The following ITSN1 variants were observed in gnomAD, a reference collection of about 807,000 sequenced individuals.
ITSN1 encodes intersectin-1.
A neutral mutation model predicts 239.8 loss-of-function variants in ITSN1; 58 were observed. The observed-to-expected ratio is 0.24, with a 90% CI of 0.20 to 0.30. The LOEUF is 0.30. Among genes scored for constraint, ITSN1 ranks in the 10% least tolerant of loss-of-function variants. The pLI, the probability that ITSN1 is intolerant of heterozygous loss-of-function variation, is 1.00. For missense variants in ITSN1, 1,558 were observed against 2,103.3 expected (o/e 0.74, Z 5.07); for synonymous variants, 780 against 770.8 (o/e 1.01, Z -0.20).
chr21:33,868,374 G>A (rs897876437), intron 33 of ITSN1, among the ~76,000 whole-genome samples: 29 of 152,360 alleles, frequency 1.9e-4, no homozygotes, highest in African/African-American at 6.0e-4. Context: ...AGGGGGCGGC[G>A]CTCGTCGGGG....
At chr21:33,673,383 T>A (rs2090414761) in intron 1 of ITSN1, among the ~76,000 whole-genome samples, 1 of 152,188 alleles carries the variant, frequency 6.6e-6, no homozygotes. Context: ...TTTCAGGTAC[T>A]CTTAACACAC....
chr21:33,852,167 T>C (rs1978444410), intron 29 of ITSN1, among the ~76,000 whole-genome samples: 1 of 152,208 alleles, frequency 6.6e-6, no homozygotes, highest in African/African-American at 2.4e-5. Flanking sequence ...ACAAGGACAG[T>C]ATCTTGCTTA....
In ITSN1 at chr21:33,878,931, G is replaced by A. The variant is rs151133075; in HGVS notation, c.4342-3312G>A. Among the ~76,000 whole-genome samples, 52 of 152,324 alleles carry A rather than the reference G, an allele frequency of 3.4e-4. 2 individuals carry two copies. In the East Asian group the frequency reaches 9.8e-3, roughly 29 times the overall value. On this transcript the variant is annotated intron_variant, in intron 34 of 39. Coordinates refer to ENST00000381318, the MANE Select transcript of ITSN1 (RefSeq NM_003024.3). ...TAAACCAACATTTACAACAAGATGT[G>A]AGGGGTAAGGAGGCAGAGCTAGGTG...
chr21:33,893,311 C>T lies in ITSN1; in HGVS notation c.*5011C>T, dbSNP rs1986486846. 1 of 152,244 alleles carries T rather than the reference C, an allele frequency of 6.6e-6. No homozygotes were observed. Among genetic ancestry groups the T allele is most frequent in the Non-Finnish European group, 1.5e-5 (1 of 68,110 alleles). The allele number at this position is 152,244 out of a possible 1,614,324, so 9.4% of individuals were successfully genotyped here. A position where few individuals can be genotyped will look rare whatever the true frequency, so the allele number is the denominator to read the frequency against. On this transcript the variant is annotated 3_prime_UTR_variant, in exon 40 of 40. Transcript: ENST00000381318. Reference sequence around the variant, plus strand: ...CTTCAGAGAAATAATGCAAACCGGCCAGGTGCGGTGGCTCACACCTGTAAT... The same window carrying T: ...CTTCAGAGAAATAATGCAAACCGGCTAGGTGCGGTGGCTCACACCTGTAAT...
chr21:33,886,634 C>T (rs147375109), intron 39 of ITSN1, among the ~76,000 whole-genome samples, 174 bp downstream of exon 39: 28 of 152,302 alleles, frequency 1.8e-4, no homozygotes, highest in African/African-American at 6.5e-4. Context: ...CTTCTGGAGG[C>T]GTCTCATTGC....
intron 1 of ITSN1, among the ~76,000 whole-genome samples, chr21:33,668,133 G>A (rs557728471): frequency 5.3e-5 from 8 of 152,300 alleles, no homozygotes; most frequent in African/African-American, 1.9e-4. Context: ...CATTTTCACA[G>A]TTTTCTCCCA....
At chr21:33,863,703 A>G (rs774825714) in intron 31 of ITSN1, among the ~76,000 whole-genome samples, 17 of 152,376 alleles carry the variant, frequency 1.1e-4, no homozygotes, top group Non-Finnish European at 2.2e-4. Flanking sequence ...ACTACTCCTC[A>G]TAGGAAAATG....
intron 17 of ITSN1, among the ~76,000 whole-genome samples, chr21:33,796,071 C>T (rs1287857616): frequency 6.6e-6 from 1 of 151,896 alleles, no homozygotes; most frequent in Non-Finnish European, 1.5e-5. Context: ...TCAACCGACT[C>T]TCCTGCCTCA....
chr21:33,651,690 G>A, intron 1 of ITSN1, among the ~76,000 whole-genome samples: 1 of 152,180 alleles, frequency 6.6e-6, no homozygotes, highest in Non-Finnish European at 1.5e-5. Context: ...AATCTTAAAT[G>A]TATGGGAATG....
In ITSN1 at chr21:33,819,263, A is replaced by G. The variant is rs367925531; in HGVS notation, c.2956A>G (p.Ser986Gly). ...STSMDSGSSE[S>G]PASLKRVASP... ...CAGCATGGATTCTGGTTCTTCAGAG[A>G]GTCCTGCTAGTCTAAAGCGAGTAGC... Residue 986 changes from serine to glycine, a missense_variant, in exon 24 of 40, where the codon AGT (serine) becomes GGT (glycine). Around this residue, in one of 2 missense-constraint regions of ITSN1, gnomAD observed 982 missense variants for 1,209.9 expected, o/e 0.81. Coordinates refer to ENST00000381318, the MANE Select transcript of ITSN1 (RefSeq NM_003024.3). The G allele has an allele frequency of 3.1e-6, 5 of 1,613,520 alleles. No individual in the cohort carries two copies. In the African/African-American group the frequency reaches 6.7e-5, roughly 22 times the overall value.
intron 13 of ITSN1, 25 bp downstream of exon 13, chr21:33,774,903 G>A (rs765782637): frequency 6.2e-7 from 1 of 1,605,378 alleles, no homozygotes; most frequent in East Asian, 2.2e-5. Context: ...GTTATACTTT[G>A]AAAATATACT....
chr21:33,795,030 A>G (rs1016932558), intron 17 of ITSN1, among the ~76,000 whole-genome samples: 7 of 152,236 alleles, frequency 4.6e-5, no homozygotes, highest in African/African-American at 1.7e-4. Context: ...AGTAAATTGT[A>G]GAAATTTGTG....
intron 20 of ITSN1, among the ~76,000 whole-genome samples, chr21:33,804,685 A>G (rs1232373185): frequency 6.6e-6 from 1 of 152,226 alleles, no homozygotes; most frequent in Non-Finnish European, 1.5e-5. Flanking sequence ...TTAGTAGAAC[A>G]TAAGAAATGA....
In ITSN1 at chr21:33,702,093, ATTTTTTTTTTTT is replaced by A. The variant is rs1162454097; in HGVS notation, c.-32-16674_-32-16663del. 7.1e-4 allele frequency among the ~76,000 whole-genome samples: 105 copies of A among 148,696 alleles called. 2 individuals are homozygous for A. The highest frequency in any genetic ancestry group is 1.9e-3 in the South Asian group (9 of 4,730). On this transcript the variant is annotated intron_variant, in intron 1 of 39. Transcript: ENST00000381318. ...AAAAAACAAAAAAACAAACAAAAAA[ATTTTTTTTTTTT>A]TTTTTTTTTTTTTTTTTTTTTTTTT... is the stretch of plus-strand genomic sequence containing the variant.
intron 5 of ITSN1, 62 bp downstream of exon 5, chr21:33,735,266 C>CT: frequency 1.3e-6 from 2 of 1,505,472 alleles, no homozygotes; most frequent in Non-Finnish European, 9.2e-7. Flanking sequence ...AAATGTTTTC[C>CT]TTTTTTTCCC....
Position 33,710,797 on chromosome 21 carries a change from A to G in ITSN1, c.-32-8000A>G, listed in dbSNP as rs2092391888. Among the ~76,000 whole-genome samples the G allele has an allele frequency of 2.0e-5, 3 of 149,390 alleles. 1 individual carries two copies. In the South Asian group the frequency reaches 6.3e-4, roughly 31 times the overall value. On this transcript the variant is annotated intron_variant, in intron 1 of 39. Transcript: ENST00000381318. ...CAGACTATGGCTTTCTTTTGGGGGAAGTTTTTTGTTTTTTTTTTTTTTCTT... is the reference window on the plus strand; with the variant it reads ...CAGACTATGGCTTTCTTTTGGGGGAGGTTTTTTGTTTTTTTTTTTTTTCTT...
chr21:33,676,724 A>G (rs2090617713), intron 1 of ITSN1, among the ~76,000 whole-genome samples: 1 of 152,366 alleles, frequency 6.6e-6, no homozygotes, highest in East Asian at 1.9e-4. Flanking sequence ...TAAGTGTCAC[A>G]CTGTTCTGAG....
chr21:33,822,005 A>G (rs1413794789), intron 24 of ITSN1, among the ~76,000 whole-genome samples: 1 of 152,216 alleles, frequency 6.6e-6, no homozygotes, highest in Admixed American at 6.5e-5. Context: ...TCATTTTTCC[A>G]ATTTTCACTG....
chr21:33,706,815 T>A (rs1290901440), intron 1 of ITSN1, among the ~76,000 whole-genome samples: 8 of 151,550 alleles, frequency 5.3e-5, no homozygotes, highest in South Asian at 4.2e-4. Flanking sequence ...CTCTGCCTTC[T>A]GGGTTCAAGT....
Sources: gnomAD v4.1 joint callset for allele counts (sites outside exome capture counted in the v4.1 genomes callset) on GRCh38, gnomAD v4.1.1 for gene constraint, gnomAD v4.1.1 regional missense constraint, MANE v1.5 for transcripts, NCBI Gene and HGNC (gene_info 2026-07-23, HGNC 2026-07-21) for gene names.